The following TBX15 variants were observed in gnomAD, a reference collection of about 807,000 sequenced individuals.
The protein encoded by TBX15 is T-box transcription factor 15.
Under a neutral mutation model 53.9 loss-of-function variants are expected in TBX15, and 18 were observed. The observed-to-expected ratio is 0.33, with a 90% CI of 0.23 to 0.49. The LOEUF is 0.49. Ranked by LOEUF, TBX15 falls within the 20% of genes least tolerant of loss-of-function variation. The pLI is 0.98. For synonymous variants in TBX15, 295 were observed against 278.0 expected (o/e 1.06, Z -0.61); for missense variants, 692 against 749.5 (o/e 0.92, Z 0.90).
chr1:118,883,947 C>T lies in TBX15; in HGVS notation c.*785G>A, dbSNP rs996493523. On this transcript the variant is annotated 3_prime_UTR_variant, in exon 8 of 8. Transcript: ENST00000369429. ...TCTTGCTCTCCACCTCGTTCCTGTT[C>T]TCTATTCTTTCTGTTTGTCTTTCTC... 2 of 152,840 alleles carry T rather than the reference C, an allele frequency of 1.3e-5. No homozygotes were observed. Among genetic ancestry groups the T allele is most frequent in the Non-Finnish European group, 2.9e-5 (2 of 68,188 alleles). The allele number at this position is 152,840 out of a possible 1,614,324, so 9.5% of individuals were successfully genotyped here.
chr1:118,981,899 G>A (rs1657664994), intron 1 of TBX15, among the ~76,000 whole-genome samples: 1 of 152,056 alleles, frequency 6.6e-6, no homozygotes, highest in Admixed American at 6.6e-5. Flanking sequence ...CTAGAAACCA[G>A]GAAAAGCAAA....
At chr1:118,961,743 C>A (rs568752675) in intron 1 of TBX15, among the ~76,000 whole-genome samples, 1 of 152,304 alleles carries the variant, frequency 6.6e-6, no homozygotes, top group East Asian at 1.9e-4. Flanking sequence ...AGCTGAGTCA[C>A]TTCCATGAGC....
chr1:118,988,026 C>G lies in TBX15; in HGVS notation c.-231G>C. On this transcript the variant is annotated 5_prime_UTR_variant, in exon 1 of 8. Transcript: ENST00000369429. ...TGGCCCAGCTGCTAGGAACTAGCGC[C>G]CCGAGCGCCGCCCGCTCGCTGCATG... 1.7e-6 allele frequency: 1 copy of G among 604,202 alleles called. No homozygotes were observed. The allele number at this position is 604,202 out of a possible 1,614,324, so 37.4% of individuals were successfully genotyped here.
intron 6 of TBX15, among the ~76,000 whole-genome samples, chr1:118,905,923 T>C (rs1454297778): frequency 6.6e-6 from 1 of 152,216 alleles, no homozygotes; most frequent in Non-Finnish European, 1.5e-5. Flanking sequence ...ACAATTTCTG[T>C]TAACTAGCAA....
chr1:118,923,140 T>C (rs1379309462), intron 5 of TBX15, among the ~76,000 whole-genome samples: 1 of 151,958 alleles, frequency 6.6e-6, no homozygotes, highest in East Asian at 1.9e-4. Flanking sequence ...CTCCATGGCT[T>C]CTGCAGTTTT....
At chr1:118,900,529 C>T (rs927502683) in intron 6 of TBX15, among the ~76,000 whole-genome samples, 1 of 152,150 alleles carries the variant, frequency 6.6e-6, no homozygotes, top group Non-Finnish European at 1.5e-5. Flanking sequence ...TTTCTAAAGT[C>T]TTCCCTGGAA....
rs182676563 is a variant in TBX15, at chr1:118,950,111, A to G, written c.206-18279T>C. ...CTTTTAACTTGATAAAATTCTGGCTACATGACACAGCTCAGAGAAGCAAAT... is the reference window on the plus strand; with the variant it reads ...CTTTTAACTTGATAAAATTCTGGCTGCATGACACAGCTCAGAGAAGCAAAT... On this transcript the variant is annotated intron_variant, in intron 1 of 7. Transcript: ENST00000369429. Among the ~76,000 whole-genome samples the G allele has an allele frequency of 3.3e-5, 5 of 152,354 alleles. No homozygotes were observed. In the East Asian group the frequency reaches 9.6e-4, roughly 29 times the overall value.
intron 1 of TBX15, among the ~76,000 whole-genome samples, chr1:118,951,181 A>G (rs1274925819): frequency 6.6e-6 from 1 of 152,206 alleles, no homozygotes; most frequent in East Asian, 1.9e-4. Context: ...TTGACAGGAG[A>G]AAAAAGATTC....
At position 118,977,478 on chromosome 1, in the gene TBX15, T is replaced by C. The variant is rs1046189847; in HGVS notation, c.205+10113A>G. 2.0e-5 allele frequency among the ~76,000 whole-genome samples: 3 copies of C among 152,212 alleles called. No homozygotes were observed. The East Asian group carries it at 5.8e-4, about 29-fold the overall frequency. On this transcript the variant is annotated intron_variant, in intron 1 of 7. Coordinates refer to ENST00000369429, the MANE Select transcript of TBX15 (RefSeq NM_001330677.2). ...TACAAAAACAATGAGGACAAGGTCA[T>C]TGGCCTACAGTAGTTTATAGGGTAG... is the stretch of plus-strand genomic sequence containing the variant.
Position 118,987,927 on chromosome 1 carries a change from C to A in TBX15, c.-132G>T. 8.9e-7 allele frequency: 1 copy of A among 1,118,082 alleles called. No individual in the cohort carries two copies. The highest frequency in any genetic ancestry group is 1.3e-6 in the Non-Finnish European group (1 of 795,198). 69.3% of individuals were successfully genotyped at this position (1,118,082 alleles called of 1,614,324 possible). A position where few individuals can be genotyped will look rare whatever the true frequency, so the allele number is the denominator to read the frequency against. On this transcript the variant is annotated 5_prime_UTR_variant, in exon 1 of 8. Transcript: ENST00000369429. ...GCGTCGGACGAGGCTGAGACTGCGG[C>A]TCGCGGGTCTCTCCACCCTCCCCCT...
At chr1:118,944,035 T>G (rs1257221186) in intron 1 of TBX15, among the ~76,000 whole-genome samples, 1 of 152,172 alleles carries the variant, frequency 6.6e-6, no homozygotes, top group Non-Finnish European at 1.5e-5. Context: ...AGTTCACTTT[T>G]GGGGCACAAG....
At chr1:118,953,872 CTTTA>C (rs1335525281) in intron 1 of TBX15, among the ~76,000 whole-genome samples, 1 of 152,208 alleles carries the variant, frequency 6.6e-6, no homozygotes, top group Non-Finnish European at 1.5e-5. Context: ...AAGGAGTTGT[CTTTA>C]TTTGAGGAGG....
At chr1:118,894,172 A>G (rs1654313682) in intron 7 of TBX15, among the ~76,000 whole-genome samples, 1 of 152,208 alleles carries the variant, frequency 6.6e-6, no homozygotes, top group Non-Finnish European at 1.5e-5. Flanking sequence ...GGGAAGTAAG[A>G]TGAGTGATGC....
At chr1:118,896,326 G>A (rs1654421525) in intron 7 of TBX15, among the ~76,000 whole-genome samples, 1 of 152,108 alleles carries the variant, frequency 6.6e-6, no homozygotes, top group Admixed American at 6.5e-5. Context: ...AAAATAAAAA[G>A]ACTTAAATTT....
intron 5 of TBX15, among the ~76,000 whole-genome samples, chr1:118,921,690 T>C (rs1037283338): frequency 1.3e-5 from 2 of 152,232 alleles, no homozygotes; most frequent in Non-Finnish European, 2.9e-5. Flanking sequence ...GTCTGGGTAA[T>C]GTTCCATTTC....
At chr1:118,935,301 A>G (rs1655933809) in intron 1 of TBX15, among the ~76,000 whole-genome samples, 1 of 152,210 alleles carries the variant, frequency 6.6e-6, no homozygotes, top group African/African-American at 2.4e-5. Context: ...GGTTATTTTA[A>G]TCAAATCAGA....
At chr1:118,978,850 A>T (rs114326581) in intron 1 of TBX15, among the ~76,000 whole-genome samples, 3,435 of 152,292 alleles carry the variant, frequency 0.023, 130 homozygotes, top group African/African-American at 0.079. Context: ...AAAAATATCA[A>T]ATTATTAATT....
intron 2 of TBX15, among the ~76,000 whole-genome samples, chr1:118,930,518 C>T (rs763149634): frequency 1.4e-4 from 22 of 152,194 alleles, no homozygotes; most frequent in Non-Finnish European, 2.2e-4. Flanking sequence ...CAGCTTCAAG[C>T]GATTCTCCTG....
chr1:118,935,406 C>T (rs1379791019), intron 1 of TBX15, among the ~76,000 whole-genome samples: 1 of 152,146 alleles, frequency 6.6e-6, no homozygotes, highest in Non-Finnish European at 1.5e-5. Flanking sequence ...TTGTGACTTC[C>T]TGTCCTCAAA....
Sources: gnomAD v4.1 joint callset for allele counts (sites outside exome capture counted in the v4.1 genomes callset) on GRCh38, gnomAD v4.1.1 for gene constraint, MANE v1.5 for transcripts, NCBI Gene and HGNC (gene_info 2026-07-23, HGNC 2026-07-21) for gene names.